The following GRIK2 variants were observed in gnomAD, a reference collection of about 807,000 sequenced individuals.
The protein encoded by GRIK2 is glutamate ionotropic receptor kainate type subunit 2.
A neutral mutation model predicts 100.3 loss-of-function variants in GRIK2; 32 were observed. That is an observed-to-expected ratio of 0.32 (90% CI 0.24 to 0.43). The LOEUF (loss-of-function observed/expected upper bound fraction) is 0.43. Ranked by LOEUF, GRIK2 falls within the 20% of genes least tolerant of loss-of-function variation. The pLI, the probability that GRIK2 is intolerant of heterozygous loss-of-function variation, is 1.00. For synonymous variants in GRIK2, 417 were observed against 389.4 expected, an observed-to-expected ratio of 1.07 and a Z score of -0.83; for missense variants, 843 against 1,114.9, an observed-to-expected ratio of 0.76 and a Z score of 3.47.
intron 7 of GRIK2, among the ~76,000 whole-genome samples, chr6:101,789,328 T>C (rs1354337618): frequency 1.3e-5 from 2 of 152,364 alleles, no homozygotes; most frequent in African/African-American, 2.4e-5. Flanking sequence ...TTTGGGTTTT[T>C]ATGGTTTCAG....
intron 14 of GRIK2, among the ~76,000 whole-genome samples, chr6:101,992,636 A>C (rs1380564590): frequency 6.6e-6 from 1 of 151,608 alleles, no homozygotes; most frequent in Non-Finnish European, 1.5e-5. Flanking sequence ...TTTTTTTTAA[A>C]GTGAAATAGG....
chr6:101,523,720 C>CTTTTTTTTTTTTTTTTTTTT (rs1163558120), intron 2 of GRIK2, among the ~76,000 whole-genome samples: 1 of 121,546 alleles, frequency 8.2e-6, no homozygotes, highest in African/African-American at 3.0e-5. Context: ...ACTCCTAAGT[C>CTTTTTTTTTTTTTTTTTTTT]TTTTTTTTTT....
intron 2 of GRIK2, among the ~76,000 whole-genome samples, chr6:101,462,726 A>T (rs1019888878): frequency 6.6e-6 from 1 of 152,184 alleles, no homozygotes; most frequent in Non-Finnish European, 1.5e-5. Context: ...GATGGTGTGC[A>T]GAAAAGCAGG....
chr6:101,824,791 T>G (rs1350774925), intron 10 of GRIK2, among the ~76,000 whole-genome samples: 2 of 152,184 alleles, frequency 1.3e-5, no homozygotes, highest in African/African-American at 2.4e-5. Flanking sequence ...TGGAAGGTAT[T>G]ACAGTATCCA....
At chr6:101,714,047 CCTTT>C (rs1562328856) in intron 7 of GRIK2, among the ~76,000 whole-genome samples, 1 of 151,628 alleles carries the variant, frequency 6.6e-6, no homozygotes, top group African/African-American at 2.4e-5. Flanking sequence ...TAAAGATCCA[CCTTT>C]CTTTCTTATA....
At chr6:101,780,165 AC>A (rs2128401457) in intron 7 of GRIK2, among the ~76,000 whole-genome samples, 1 of 149,756 alleles carries the variant, frequency 6.7e-6, no homozygotes, top group South Asian at 2.3e-4. Flanking sequence ...GACTACAATA[AC>A]TTTTATTGGA....
intron 7 of GRIK2, among the ~76,000 whole-genome samples, chr6:101,709,718 C>G (rs747941849): frequency 6.6e-6 from 1 of 151,780 alleles, no homozygotes; most frequent in Non-Finnish European, 1.5e-5. Context: ...AGCCAAATAA[C>G]TGGGCTTTGC....
intron 2 of GRIK2, among the ~76,000 whole-genome samples, chr6:101,438,626 C>G (rs561063538): frequency 4.6e-5 from 7 of 152,236 alleles, no homozygotes; most frequent in Admixed American, 1.3e-4. Context: ...CTGGCACACT[C>G]TTTTAATGAG....
intron 2 of GRIK2, among the ~76,000 whole-genome samples, chr6:101,565,540 T>C (rs1432741097): frequency 6.6e-6 from 1 of 152,076 alleles, no homozygotes; most frequent in Non-Finnish European, 1.5e-5. Flanking sequence ...CTCCACTTCC[T>C]TTTTTAGTGT....
At chr6:101,908,774 A>T (rs1278052077) in intron 12 of GRIK2, among the ~76,000 whole-genome samples, 1 of 127,896 alleles carries the variant, frequency 7.8e-6, no homozygotes, top group African/African-American at 3.0e-5. Context: ...TAGGAAGGAT[A>T]AAAATGGAGA....
intron 2 of GRIK2, among the ~76,000 whole-genome samples, chr6:101,479,306 T>C (rs1295863352): frequency 2.6e-5 from 4 of 152,192 alleles, no homozygotes; most frequent in Admixed American, 1.3e-4. Context: ...GGGCTGTAAG[T>C]GATATTTGTT....
chr6:102,020,251 A>C (rs1441932532), intron 14 of GRIK2, among the ~76,000 whole-genome samples: 1 of 151,906 alleles, frequency 6.6e-6, no homozygotes, highest in Non-Finnish European at 1.5e-5. Flanking sequence ...TAAAGAAAAA[A>C]AAATCAGTGA....
chr6:101,512,878 AAT>A (rs1774388618), intron 2 of GRIK2, among the ~76,000 whole-genome samples: 1 of 152,066 alleles, frequency 6.6e-6, no homozygotes, highest in Admixed American at 6.6e-5. Flanking sequence ...GTTTTGTCAC[AAT>A]ATCTTTCCTA....
rs1179685948 is a variant in GRIK2, at chr6:102,004,579, A to G, written c.2086-30762A>G. 2.6e-5 allele frequency among the ~76,000 whole-genome samples: 4 copies of G among 152,098 alleles called. No individual in the cohort carries two copies. In the East Asian group the frequency reaches 5.8e-4, roughly 22 times the overall value. ...TTTCAAAGTTAAAATTACTAAATCC[A>G]TACAATGACCATATGATCACAGAGG... On this transcript the variant is annotated intron_variant, in intron 14 of 16. Transcript: ENST00000369134.
chr6:101,618,009 G>C (rs189729108), intron 2 of GRIK2, among the ~76,000 whole-genome samples: 1 of 151,752 alleles, frequency 6.6e-6, no homozygotes, highest in African/African-American at 2.4e-5. Flanking sequence ...GTGTGTGTCT[G>C]TTGAGTGTGT....
intron 14 of GRIK2, among the ~76,000 whole-genome samples, chr6:102,001,097 CCATAA>C (rs956109109): frequency 6.6e-6 from 1 of 151,890 alleles, no homozygotes; most frequent in African/African-American, 2.4e-5. Flanking sequence ...TCATTATTTG[CCATAA>C]CATAACATAA....
At chr6:101,783,031 TG>T in intron 7 of GRIK2, among the ~76,000 whole-genome samples, 1 of 152,048 alleles carries the variant, frequency 6.6e-6, no homozygotes, top group South Asian at 2.1e-4. Context: ...TAATTTTTTT[TG>T]TATTTTTAGT....
chr6:101,788,717 C>T (rs1339945574), intron 7 of GRIK2, among the ~76,000 whole-genome samples: 6 of 152,110 alleles, frequency 3.9e-5, no homozygotes, highest in Non-Finnish European at 7.4e-5. Flanking sequence ...GTCCTTTGGG[C>T]ATATACCCAG....
At chr6:101,962,405 T>C (rs1419124150) in intron 14 of GRIK2, among the ~76,000 whole-genome samples, 1 of 152,222 alleles carries the variant, frequency 6.6e-6, no homozygotes, top group African/African-American at 2.4e-5. Context: ...ATGCTCTGTG[T>C]GCTTTGAATT....
Sources: gnomAD v4.1 joint callset for allele counts (sites outside exome capture counted in the v4.1 genomes callset) on GRCh38, gnomAD v4.1.1 for gene constraint, MANE v1.5 for transcripts, NCBI Gene and HGNC (gene_info 2026-07-23, HGNC 2026-07-21) for gene names.